The following HAS3 variants were observed in gnomAD, a reference collection of about 807,000 sequenced individuals.
HAS3 encodes HA synthase 3.
HAS3 carries 27 observed loss-of-function variants against 50.3 expected under a neutral mutation model. The ratio of observed to expected loss-of-function variants is 0.54; its 90% CI spans 0.40 to 0.74. The LOEUF (loss-of-function observed/expected upper bound fraction) is 0.74, where lower values mean the gene tolerates loss of function less well. Ranked by LOEUF, HAS3 falls within the 30% of genes least tolerant of loss-of-function variation. HAS3 has a pLI of 0.00. For missense variants in HAS3, 517 were observed against 742.8 expected (o/e 0.70, Z 3.53); for synonymous variants, 339 against 310.9 (o/e 1.09, Z -0.95).
chr16:69,101,873 C>T (rs1431578164), upstream of HAS3, among the ~76,000 whole-genome samples: 1 of 152,128 alleles, frequency 6.6e-6, no homozygotes, highest in Non-Finnish European at 1.5e-5. Context: ...CAACCTCCGC[C>T]TCCCGGGTTC....
chr16:69,109,444 T>C lies in HAS3; in HGVS notation c.49T>C (p.Phe17Leu). The C allele has an allele frequency of 1.2e-6, 2 of 1,613,038 alleles. No individual in the cohort carries two copies. The highest frequency in any genetic ancestry group is 1.7e-6 in the Non-Finnish European group (2 of 1,179,916). Residue 17 changes from phenylalanine (F) to leucine (L), a missense_variant, in exon 2 of 4, where the codon TTT becomes CTT. Coordinates refer to ENST00000569188, the MANE Select transcript of HAS3 (RefSeq NM_001199280.2). The surrounding 1 kb of genome is among the most constrained non-coding windows in gnomAD (Gnocchi z 5.3). ...CCTGCGTGTGGTGGGCACCAGCCTG[T>C]TTGCCCTGGCAGTGCTGGGTGGCAT... Reference protein sequence around the residue: ...TALRVVGTSLFALAVLGGILA... With the variant: ...TALRVVGTSLLALAVLGGILA...
rs995047757 is a variant in HAS3, at chr16:69,107,805, T to G, written c.1-1591T>G. The G allele has an allele frequency of 5.8e-6, 4 of 694,518 alleles. No homozygotes were observed. The African/African-American group carries it at 7.7e-5, about 13-fold the overall frequency. The allele number at this position is 694,518 out of a possible 1,614,324, so 43.0% of individuals were successfully genotyped here. On this transcript the variant is annotated intron_variant, in intron 1 of 3. Transcript: ENST00000569188. The surrounding 1 kb of genome is among the most constrained non-coding windows in gnomAD (Gnocchi z 5.5). ...TGGCAACAGGGAGGGCTGGGAGTCC[T>G]GTGAAGGAAGCACACGGCGGGCTCC...
chr16:69,118,461 G>A, downstream of HAS3: 2 of 1,581,766 alleles, frequency 1.3e-6, no homozygotes, highest in Non-Finnish European at 1.7e-6. Flanking sequence ...AGAGAGCAGT[G>A]AGCTGATTCT....
In HAS3 at chr16:69,116,451, G is replaced by C; in HGVS notation, c.*1185G>C. ...GTGTGACTTTCAGGCTACTGTTCTT[G>C]ACAATCATCTCCAATGGAAAGCTTT... On this transcript the variant is annotated 3_prime_UTR_variant, in exon 4 of 4. Coordinates refer to ENST00000569188, the MANE Select transcript of HAS3 (RefSeq NM_001199280.2). 1.0e-6 allele frequency: 1 copy of C among 985,896 alleles called. No homozygotes were observed. The highest frequency in any genetic ancestry group is 1.2e-6 in the Non-Finnish European group (1 of 829,944). The allele number at this position is 985,896 out of a possible 1,614,324, so 61.1% of individuals were successfully genotyped here.
At chr16:69,099,700 T>G in the HAS3 span, among the ~76,000 whole-genome samples, 2 of 152,236 alleles carry the variant, frequency 1.3e-5, no homozygotes, top group African/African-American at 2.4e-5. Flanking sequence ...CTCCTGTTCG[T>G]TACTTAACAC....
chr16:69,090,265 G>A, the HAS3 span, among the ~76,000 whole-genome samples: 2 of 152,206 alleles, frequency 1.3e-5, no homozygotes, highest in East Asian at 1.9e-4. Flanking sequence ...CACCTCCCCC[G>A]TGCTGGCCCT....
chr16:69,097,099 C>T, the HAS3 span, among the ~76,000 whole-genome samples: 1 of 152,016 alleles, frequency 6.6e-6, no homozygotes, highest in Middle Eastern at 3.2e-3. Flanking sequence ...CTGCAGTGAG[C>T]CGTGATTGCA....
Position 69,107,406 on chromosome 16 carries a change from G to A in HAS3, c.-1+1619G>A. The A allele has an allele frequency of 5.1e-6, 5 of 985,596 alleles. No homozygotes were observed. Among genetic ancestry groups the A allele is most frequent in the Non-Finnish European group, 6.0e-6 (5 of 830,010 alleles). The allele number at this position is 985,596 out of a possible 1,614,324, so 61.1% of individuals were successfully genotyped here. A position where few individuals can be genotyped will look rare whatever the true frequency, so the allele number is the denominator to read the frequency against. On this transcript the variant is annotated intron_variant, in intron 1 of 3. Coordinates refer to ENST00000569188, the MANE Select transcript of HAS3 (RefSeq NM_001199280.2). The surrounding 1 kb of genome is among the most constrained non-coding windows in gnomAD (Gnocchi z 5.5). ...CAAGGTAGCTGGGGTACCAGGAAGA[G>A]CAGGGCCTGGTCCGACTGGGATCCC...
rs937568827 is a variant in HAS3, at chr16:69,107,511, G to A, written c.-1+1724G>A. 3 of 984,346 alleles carry A rather than the reference G, an allele frequency of 3.0e-6. No individual in the cohort carries two copies. The highest frequency in any genetic ancestry group is 4.7e-5 in the South Asian group (1 of 21,298). The allele number at this position is 984,346 out of a possible 1,614,324, so 61.0% of individuals were successfully genotyped here. ...GCCGGCGCCGCCTTTGCCAAGAGGC[G>A]AGGCTCGAGCGGGGATGAGAAGCGT... On this transcript the variant is annotated intron_variant, in intron 1 of 3. Coordinates refer to ENST00000569188, the MANE Select transcript of HAS3 (RefSeq NM_001199280.2). The surrounding 1 kb of genome is among the most constrained non-coding windows in gnomAD (Gnocchi z 5.5).
chr16:69,101,823 C>T (rs544749002), upstream of HAS3, among the ~76,000 whole-genome samples: 2 of 151,744 alleles, frequency 1.3e-5, no homozygotes, highest in African/African-American at 4.8e-5. Flanking sequence ...CTCGCCCTGT[C>T]GCCCAGGCTC....
chr16:69,116,319 G>A lies in HAS3; in HGVS notation c.*1053G>A. ...CCGGCTCTTATAGAAGCTTCAGCAG[G>A]AGGCAAGCGTGTTCTCAGCACATAT... On this transcript the variant is annotated 3_prime_UTR_variant, in exon 4 of 4. Transcript: ENST00000569188. 2 of 985,864 alleles carry A rather than the reference G, an allele frequency of 2.0e-6. No homozygotes were observed. Among genetic ancestry groups the A allele is most frequent in the Non-Finnish European group, 2.4e-6 (2 of 829,934 alleles). The allele number at this position is 985,864 out of a possible 1,614,324, so 61.1% of individuals were successfully genotyped here. A position where few individuals can be genotyped will look rare whatever the true frequency, so the allele number is the denominator to read the frequency against.
the HAS3 span, among the ~76,000 whole-genome samples, chr16:69,099,422 G>A: frequency 3.9e-5 from 6 of 152,064 alleles, no homozygotes; most frequent in Admixed American, 2.6e-4. Context: ...CTGCCTCCCG[G>A]GTTCAAGCGA....
At position 69,107,694 on chromosome 16, in the gene HAS3, A is replaced by T. The variant is rs1943537916; in HGVS notation, c.1-1702A>T. 1 of 985,464 alleles carries T rather than the reference A, an allele frequency of 1.0e-6. No homozygotes were observed. 61.0% of individuals were successfully genotyped at this position (985,464 alleles called of 1,614,324 possible). A position where few individuals can be genotyped will look rare whatever the true frequency, so the allele number is the denominator to read the frequency against. The stretch of plus-strand genomic sequence containing the variant: ...GGGGGTCCCGCCGCGCCCCTTCAGC[A>T]TGTAAGCTCCGGAGGGGAATGGGGG... On this transcript the variant is annotated intron_variant, in intron 1 of 3. Coordinates refer to ENST00000569188, the MANE Select transcript of HAS3 (RefSeq NM_001199280.2). The surrounding 1 kb of genome is among the most constrained non-coding windows in gnomAD (Gnocchi z 5.5).
the HAS3 span, among the ~76,000 whole-genome samples, chr16:69,086,297 T>C: frequency 4.6e-5 from 7 of 151,954 alleles, no homozygotes; most frequent in East Asian, 1.4e-3. Context: ...GCATCCCAAG[T>C]AGCTGGGACC....
chr16:69,104,538 C>T (rs149863904), upstream of HAS3, among the ~76,000 whole-genome samples: 3,174 of 152,272 alleles, frequency 0.021, 33 homozygotes, highest in Non-Finnish European at 0.028. Context: ...CCTCGTGATC[C>T]GCCCACCTCG....
upstream of HAS3, among the ~76,000 whole-genome samples, chr16:69,103,888 G>A (rs140424573): frequency 2.6e-5 from 4 of 152,282 alleles, no homozygotes; most frequent in East Asian, 7.7e-4. Flanking sequence ...CCATCTGTGG[G>A]ATGAAGACAC....
chr16:69,089,789 A>G, the HAS3 span, among the ~76,000 whole-genome samples: 3 of 152,168 alleles, frequency 2.0e-5, no homozygotes, highest in Non-Finnish European at 2.9e-5. Context: ...CCAGTTCTTC[A>G]TAGGGAGTCC....
downstream of HAS3, chr16:69,117,750 G>C (rs1961258659): frequency 1.8e-6 from 1 of 557,380 alleles, no homozygotes; most frequent in Non-Finnish European, 2.3e-6. Context: ...TAGTCAGGTG[G>C]GACTCAAGAC....
chr16:69,115,642 A>C lies in HAS3; in HGVS notation c.*376A>C, dbSNP rs1961156378. The C allele has an allele frequency of 2.0e-6, 2 of 1,003,870 alleles. No individual in the cohort carries two copies. Among genetic ancestry groups the C allele is most frequent in the Non-Finnish European group, 2.4e-6 (2 of 842,544 alleles). The allele number at this position is 1,003,870 out of a possible 1,614,324, so 62.2% of individuals were successfully genotyped here. On this transcript the variant is annotated 3_prime_UTR_variant, in exon 4 of 4. Transcript: ENST00000569188. ...CTGAGTGACGGCAACCTGCGGAAGG[A>C]GGTTCTCCCAGCCCATCTGAACACA...
Sources: gnomAD v4.1 joint callset for allele counts (sites outside exome capture counted in the v4.1 genomes callset) on GRCh38, gnomAD v4.1.1 for gene constraint, Gnocchi (gnomAD v3.1) non-coding constraint, MANE v1.5 for transcripts, NCBI Gene and HGNC (gene_info 2026-07-23, HGNC 2026-07-21) for gene names.